The following ACTL8 variants were observed in gnomAD, a reference collection of about 807,000 sequenced individuals.
ACTL8 encodes actin like 8.
Under a neutral mutation model 9.3 loss-of-function variants are expected in ACTL8, and 3 were observed. That is an observed-to-expected ratio of 0.32 (90% CI 0.15 to 0.83). The LOEUF (loss-of-function observed/expected upper bound fraction) is 0.83. ACTL8 is among the 40% of genes least tolerant of loss of function. ACTL8 has a pLI of 0.57. For missense variants in ACTL8, 381 were observed against 492.2 expected (o/e 0.77, Z 2.14); for synonymous variants, 224 against 205.9 (o/e 1.09, Z -0.75).
chr1:17,777,999 C>T (rs1391954962), intron 1 of ACTL8, among the ~76,000 whole-genome samples: 1 of 152,200 alleles, frequency 6.6e-6, no homozygotes, highest in African/African-American at 2.4e-5. Context: ...TTCCTAGCCC[C>T]GCCGCCTTTT....
intron 1 of ACTL8, among the ~76,000 whole-genome samples, chr1:17,796,719 A>C (rs2102690352): frequency 6.6e-6 from 1 of 152,338 alleles, no homozygotes; most frequent in South Asian, 2.1e-4. Context: ...ACCCGGCTTC[A>C]AAAGCCAGCC....
intron 1 of ACTL8, among the ~76,000 whole-genome samples, chr1:17,780,390 A>G (rs755500049): frequency 3.2e-4 from 48 of 152,200 alleles, no homozygotes; most frequent in Non-Finnish European, 6.2e-4. Context: ...GGGGCTGTAG[A>G]TCCTAGTTCT....
intron 1 of ACTL8, among the ~76,000 whole-genome samples, chr1:17,806,064 C>T (rs1225799355): frequency 6.6e-6 from 1 of 152,200 alleles, no homozygotes; most frequent in Non-Finnish European, 1.5e-5. Context: ...TCCTTTTCCT[C>T]CTCTTTCTAG....
rs532283065 is a variant in ACTL8 at position 17,826,169 on chromosome 1, A to G, written c.751A>G (p.Met251Val). The G allele has an allele frequency of 3.7e-6, 6 of 1,613,006 alleles. No homozygotes were observed. Among genetic ancestry groups the G allele is most frequent in the South Asian group, 1.1e-5 (1 of 91,068 alleles). The change falls in exon 3 of 3, where the codon ATG becomes GTG. Residue 251 changes from methionine to valine, a missense_variant. Physicochemically the swap from Met to Val is conservative, Grantham distance 21. Coordinates refer to ENST00000375406, the MANE Select transcript of ACTL8 (RefSeq NM_030812.3). This position sits in a 1 kb window ranked among gnomAD's most constrained non-coding sequence, Gnocchi z 4.5. The part of the protein sequence containing the change: ...PDGSRVELTP[M>V]QRVAPEMFFS... ...CGGCTCCCGCGTGGAGCTGACCCCC[A>G]TGCAGCGGGTGGCTCCTGAGATGTT...
At chr1:17,774,404 G>A (rs111921310) in intron 1 of ACTL8, among the ~76,000 whole-genome samples, 3 of 151,938 alleles carry the variant, frequency 2.0e-5, no homozygotes, top group Admixed American at 1.3e-4. Context: ...TCAGCCCCAC[G>A]TGGAGCTTAC....
chr1:17,808,627 G>C (rs2066374710), intron 1 of ACTL8, among the ~76,000 whole-genome samples: 1 of 152,210 alleles, frequency 6.6e-6, no homozygotes, highest in African/African-American at 2.4e-5. Context: ...GAGATACTGT[G>C]TGAGAAGTAT....
At chr1:17,800,087 A>G (rs1341953204) in intron 1 of ACTL8, among the ~76,000 whole-genome samples, 2 of 152,152 alleles carry the variant, frequency 1.3e-5, no homozygotes, top group Admixed American at 6.5e-5. Context: ...CTTCTAGACA[A>G]TTTTAGAACT....
intron 1 of ACTL8, among the ~76,000 whole-genome samples, chr1:17,780,044 A>G (rs956051337): frequency 1.3e-5 from 2 of 152,084 alleles, no homozygotes; most frequent in African/African-American, 4.8e-5. Context: ...CTTTCTCTAC[A>G]AAAAATAACC....
chr1:17,764,378 G>T (rs1172452667), intron 1 of ACTL8, among the ~76,000 whole-genome samples: 2 of 152,190 alleles, frequency 1.3e-5, no homozygotes, highest in Non-Finnish European at 2.9e-5. Context: ...GAACACCAGT[G>T]GGCAAGCCAG....
At chr1:17,797,335 T>A (rs769430989) in intron 1 of ACTL8, among the ~76,000 whole-genome samples, 3 of 152,130 alleles carry the variant, frequency 2.0e-5, no homozygotes, top group Non-Finnish European at 4.4e-5. Flanking sequence ...ATTTAGGACC[T>A]CTCTGTCCCT....
intron 1 of ACTL8, among the ~76,000 whole-genome samples, chr1:17,796,640 G>A (rs1000069946): frequency 6.6e-6 from 1 of 152,206 alleles, no homozygotes; most frequent in Non-Finnish European, 1.5e-5. Flanking sequence ...TACAGGGAAT[G>A]CTGGGACTCT....
chr1:17,774,110 T>C (rs2066101314), intron 1 of ACTL8, among the ~76,000 whole-genome samples: 1 of 152,140 alleles, frequency 6.6e-6, no homozygotes, highest in Admixed American at 6.5e-5. Context: ...GTCTCACACT[T>C]GAGGACTGCA....
At chr1:17,817,199 T>C (rs566969138) in intron 1 of ACTL8, among the ~76,000 whole-genome samples, 1 of 152,152 alleles carries the variant, frequency 6.6e-6, no homozygotes, top group South Asian at 2.1e-4. Flanking sequence ...ATTTTTTTTT[T>C]TTTTCTGATC....
At position 17,767,816 on chromosome 1, in the gene ACTL8, G is replaced by A. The variant is rs1250101203; in HGVS notation, c.-25+12312G>A. 2.6e-5 allele frequency among the ~76,000 whole-genome samples: 4 copies of A among 152,104 alleles called. No homozygotes were observed. The highest frequency in any genetic ancestry group is 4.8e-5 in the African/African-American group (2 of 41,404). On this transcript the variant is annotated intron_variant, in intron 1 of 2. Transcript: ENST00000375406. This position sits in a 1 kb window ranked among gnomAD's most constrained non-coding sequence, Gnocchi z 4.7. ...TGGCTTCTCGGCTCAGTCTGATGCC[G>A]TGACTGCTGACACGGGAGGAATGAC... is the stretch of plus-strand genomic sequence containing the variant.
At chr1:17,784,017 G>C (rs1296479064) in intron 1 of ACTL8, among the ~76,000 whole-genome samples, 2 of 152,200 alleles carry the variant, frequency 1.3e-5, no homozygotes, top group Non-Finnish European at 2.9e-5. Context: ...TGTCTAGTCT[G>C]TGATATGGGA....
In ACTL8 at chr1:17,768,388, C is replaced by A. The variant is rs1028776635; in HGVS notation, c.-25+12884C>A. Among the ~76,000 whole-genome samples, 6 of 83,938 alleles carry A rather than the reference C, an allele frequency of 7.1e-5. No individual in the cohort carries two copies. The East Asian group carries it at 1.2e-3, about 16-fold the overall frequency. The allele number at this position is 83,938 out of a possible 152,430, so 55.1% of individuals were successfully genotyped here. A position where few individuals can be genotyped will look rare whatever the true frequency, so the allele number is the denominator to read the frequency against. On this transcript the variant is annotated intron_variant, in intron 1 of 2. Transcript: ENST00000375406. ...CTCATGTTCAACAGTCCTGCCAAGA[C>A]TGCAGTTTGGGGAGAGGATCACTCC...
intron 1 of ACTL8, among the ~76,000 whole-genome samples, chr1:17,789,250 G>C (rs1312317481): frequency 6.6e-6 from 1 of 152,128 alleles, no homozygotes; most frequent in African/African-American, 2.4e-5. Flanking sequence ...GGGATCCCCT[G>C]ACATAGAAGG....
intron 1 of ACTL8, among the ~76,000 whole-genome samples, chr1:17,774,770 A>G (rs970310742): frequency 3.3e-5 from 5 of 152,094 alleles, no homozygotes; most frequent in African/African-American, 1.2e-4. Context: ...GAGCTGCGGT[A>G]GAGGTGTTGA....
intron 1 of ACTL8, among the ~76,000 whole-genome samples, chr1:17,812,503 C>G (rs1006012544): frequency 2.7e-5 from 4 of 146,268 alleles, no homozygotes; most frequent in African/African-American, 7.6e-5. Flanking sequence ...AATCTCAGCT[C>G]ACTGCAACCT....
Sources: allele counts gnomAD v4.1 joint callset (sites outside exome capture counted in the v4.1 genomes callset), GRCh38; gene constraint gnomAD v4.1.1; non-coding constraint Gnocchi (gnomAD v3.1); transcripts MANE v1.5; gene names NCBI Gene and HGNC (gene_info 2026-07-23, HGNC 2026-07-21).